Variants in KAZN observed in about 807,000 individuals in gnomAD.
KAZN encodes the protein kazrin.
KAZN carries 40 observed loss-of-function variants against 87.4 expected under a neutral mutation model. The observed-to-expected ratio is 0.46, with a 90% confidence interval of 0.36 to 0.60. The LOEUF is 0.60. Among genes scored for constraint, KAZN ranks in the 20% least tolerant of loss-of-function variants. KAZN has a pLI of 0.00. For missense variants in KAZN, 898 were observed against 1,073.9 expected, an observed-to-expected ratio of 0.84 and a Z score of 2.29; for synonymous variants, 466 against 458.3, an observed-to-expected ratio of 1.02 and a Z score of -0.22.
chr1:15,035,308 G>A (rs976621519), intron 3 of KAZN, among the ~76,000 whole-genome samples: 5 of 152,196 alleles, frequency 3.3e-5, no homozygotes, highest in African/African-American at 1.2e-4. Context: ...AAGACGCATA[G>A]CTAACATTTA....
chr1:14,316,218 G>A (rs912804154), intron 2 of KAZN, among the ~76,000 whole-genome samples: 1 of 151,918 alleles, frequency 6.6e-6, no homozygotes, highest in Admixed American at 6.6e-5. Flanking sequence ...TGAAGTATCT[G>A]TTCAAGTCTT....
rs1343186113 is a variant in KAZN, at chr1:14,881,622, T to C, written c.227-79062T>C. Among the ~76,000 whole-genome samples, 8 of 152,294 alleles carry C rather than the reference T, an allele frequency of 5.3e-5. No homozygotes were observed. In the South Asian group the frequency reaches 1.0e-3, roughly 20 times the overall value. ...AGAGCTGGTCCCTGCCTCTAGGAAC[T>C]TACAGTCTCATGTCTGAGATTATTT... On this transcript the variant is annotated intron_variant, in intron 1 of 14. Transcript: ENST00000376030.
intron 1 of KAZN, among the ~76,000 whole-genome samples, chr1:13,933,182 AT>A (rs549962434): frequency 4.0e-5 from 6 of 149,074 alleles, no homozygotes; most frequent in South Asian, 2.1e-4. Context: ...CCTTCATTGT[AT>A]TTTTTTTTTC....
intron 2 of KAZN, among the ~76,000 whole-genome samples, chr1:14,573,924 T>C (rs887813503): frequency 9.2e-5 from 14 of 152,176 alleles, no homozygotes; most frequent in African/African-American, 2.7e-4. Flanking sequence ...ATGTTACCAA[T>C]GCCAGAGGTG....
intron 1 of KAZN, among the ~76,000 whole-genome samples, chr1:14,102,475 T>C (rs10928007): frequency 6.6e-6 from 1 of 151,638 alleles, no homozygotes; most frequent in African/African-American, 2.4e-5. Flanking sequence ...AAATGGGTGA[T>C]CCTAGTTCCT....
intron 1 of KAZN, among the ~76,000 whole-genome samples, chr1:14,155,867 C>T (rs144000902): frequency 6.6e-6 from 1 of 152,122 alleles, no homozygotes; most frequent in African/African-American, 2.4e-5. Context: ...CCAAGCTGAT[C>T]TCGAACTCCT....
chr1:14,470,525 T>C (rs1668398827), intron 2 of KAZN, among the ~76,000 whole-genome samples: 1 of 152,228 alleles, frequency 6.6e-6, no homozygotes, highest in Admixed American at 6.5e-5. Context: ...AATGTTGCAC[T>C]AAGTGAAGAG....
Position 15,077,648 on chromosome 1 carries a change from G to C in KAZN, c.1222+11895G>C, listed in dbSNP as rs1406977458. 6.6e-6 allele frequency among the ~76,000 whole-genome samples: 1 copy of C among 152,226 alleles called. No individual in the cohort carries two copies. Among genetic ancestry groups the C allele is most frequent in the Non-Finnish European group, 1.5e-5 (1 of 68,040 alleles). On this transcript the variant is annotated intron_variant, in intron 8 of 14. Transcript: ENST00000376030. This position sits in a 1 kb window ranked among gnomAD's most constrained non-coding sequence, Gnocchi z 4.8. ...TCACTACCGGAGTCTCTGGGACTCA[G>C]AGATGGGGGTTGGGGGTTTCACCTT...
intron 1 of KAZN, among the ~76,000 whole-genome samples, chr1:14,955,936 C>T (rs543607177): frequency 9.7e-4 from 148 of 152,244 alleles, no homozygotes; most frequent in African/African-American, 3.3e-3. Flanking sequence ...ACACAAGATG[C>T]CCAGTTAAAT....
At chr1:15,003,003 C>T (rs911519825) in intron 2 of KAZN, among the ~76,000 whole-genome samples, 12 of 113,986 alleles carry the variant, frequency 1.1e-4, no homozygotes, top group African/African-American at 2.4e-4. Flanking sequence ...TAAAAATAAA[C>T]GTACACACAC....
intron 1 of KAZN, among the ~76,000 whole-genome samples, chr1:14,674,988 G>T (rs1209800836): frequency 6.6e-6 from 1 of 151,798 alleles, no homozygotes; most frequent in East Asian, 1.9e-4. Flanking sequence ...AAATCTTACT[G>T]TGTTGCCCAG....
intron 2 of KAZN, among the ~76,000 whole-genome samples, chr1:14,270,775 CCT>C (rs1651858610): frequency 1.3e-5 from 2 of 152,088 alleles, no homozygotes; most frequent in Non-Finnish European, 1.5e-5. Flanking sequence ...TCTCAATAAC[CCT>C]CTTTTTTCTG....
At chr1:14,847,323 C>A (rs753416713) in intron 1 of KAZN, among the ~76,000 whole-genome samples, 17 of 152,166 alleles carry the variant, frequency 1.1e-4, no homozygotes, top group Non-Finnish European at 5.9e-5. Flanking sequence ...AGTGGCCAAC[C>A]TCCACTGACT....
intron 1 of KAZN, among the ~76,000 whole-genome samples, chr1:14,825,923 A>G (rs1014119951): frequency 2.0e-5 from 3 of 152,204 alleles, no homozygotes; most frequent in African/African-American, 7.2e-5. Context: ...TATCTCCAGC[A>G]CTTAACCCAA....
chr1:14,599,601 C>T lies in KAZN; in HGVS notation c.226+378C>T, dbSNP rs573795253. 2.0e-5 allele frequency among the ~76,000 whole-genome samples: 3 copies of T among 152,264 alleles called. No homozygotes were observed. Among genetic ancestry groups the T allele is most frequent in the South Asian group, 4.1e-4 (2 of 4,824 alleles). Reference sequence around the variant, plus strand: ...CCCCGCAGGGGTGAATGGCACAGTTCCCCCCACTTCCTTAGGCTCCTTCCC... The same window carrying T: ...CCCCGCAGGGGTGAATGGCACAGTTTCCCCCACTTCCTTAGGCTCCTTCCC... On this transcript the variant is annotated intron_variant, in intron 1 of 14. Coordinates refer to ENST00000376030, the MANE Select transcript of KAZN (RefSeq NM_201628.3). The surrounding 1 kb of genome is among the most constrained non-coding windows in gnomAD (Gnocchi z 4.4).
At chr1:14,267,593 A>G (rs1651590770) in intron 2 of KAZN, among the ~76,000 whole-genome samples, 4 of 152,082 alleles carry the variant, frequency 2.6e-5, no homozygotes, top group Non-Finnish European at 4.4e-5. Context: ...AGGTCCAGGA[A>G]CCAATCCCCC....
rs146246472 is a variant in KAZN, at chr1:14,388,958, G to A, written c.249+208366G>A. Among the ~76,000 whole-genome samples the A allele has an allele frequency of 8.2e-4, 125 of 151,930 alleles. No individual in the cohort carries two copies. In the East Asian group the frequency reaches 0.022, roughly 27 times the overall value. On this transcript the variant is annotated intron_variant, in intron 2 of 16. Transcript: ENST00000636203. ...TATTTCAAACTACCCATTTCACAAG[G>A]GATTAATAAGCAGATTATATAAGGC...
At chr1:14,585,150 G>A (rs1675776988) in intron 2 of KAZN, among the ~76,000 whole-genome samples, 1 of 152,160 alleles carries the variant, frequency 6.6e-6, no homozygotes, top group African/African-American at 2.4e-5. Flanking sequence ...CCAACCCCTT[G>A]ACCTTGGACT....
chr1:14,394,468 TTATG>T (rs1214214046), intron 2 of KAZN, among the ~76,000 whole-genome samples: 1 of 152,252 alleles, frequency 6.6e-6, no homozygotes, highest in Non-Finnish European at 1.5e-5. Context: ...TAAATCAACA[TTATG>T]TAATAATAAG....
Sources: gnomAD v4.1 joint callset for allele counts (sites outside exome capture counted in the v4.1 genomes callset) on GRCh38, gnomAD v4.1.1 for gene constraint, Gnocchi (gnomAD v3.1) non-coding constraint, MANE v1.5 for transcripts, NCBI Gene and HGNC (gene_info 2026-07-23, HGNC 2026-07-21) for gene names.